MAD1L1: variants seen among roughly 807,000 people sequenced by gnomAD.
MAD1L1 encodes mitotic spindle assembly checkpoint protein MAD1.
A neutral mutation model predicts 96.9 loss-of-function variants in MAD1L1; 95 were observed. The ratio of observed to expected loss-of-function variants is 0.98; its 90% CI spans 0.83 to 1.16. The LOEUF is 1.16. Ranked by LOEUF, MAD1L1 falls within the 50% of genes most tolerant of loss-of-function variation. MAD1L1 has a pLI of 0.00. For missense variants in MAD1L1, 1,007 were observed against 954.4 expected, an observed-to-expected ratio of 1.06 and a Z score of -0.73; for synonymous variants, 473 against 396.6, an observed-to-expected ratio of 1.19 and a Z score of -2.29.
chr7:2,024,351 C>T (rs1365088277), intron 12 of MAD1L1, among the ~76,000 whole-genome samples: 1 of 152,230 alleles, frequency 6.6e-6, no homozygotes, highest in Non-Finnish European at 1.5e-5. Flanking sequence ...TGCCCACCCC[C>T]AGCTCCCTTT....
In MAD1L1 at chr7:2,074,705, C is replaced by T. The variant is rs1240881057; in HGVS notation, c.1074-5367G>A. Among the ~76,000 whole-genome samples, 3 of 152,260 alleles carry T rather than the reference C, an allele frequency of 2.0e-5. No individual in the cohort carries two copies. The East Asian group carries it at 5.8e-4, about 29-fold the overall frequency. ...GCAGGTGTGGGCTGCAGCCCTGGCA[C>T]CGCAAAGTAGGGCTCAGAGAAGGGA... On this transcript the variant is annotated intron_variant, in intron 11 of 18. Transcript: ENST00000265854.
intron 18 of MAD1L1, among the ~76,000 whole-genome samples, chr7:1,850,874 G>A (rs1344936305): frequency 6.6e-6 from 1 of 152,198 alleles, no homozygotes; most frequent in Non-Finnish European, 1.5e-5. Flanking sequence ...GAGTGGGGAG[G>A]GCACACCGAA....
intron 10 of MAD1L1, among the ~76,000 whole-genome samples, chr7:2,212,161 C>A (rs73291528): frequency 0.016 from 2,434 of 151,888 alleles, 65 homozygotes; most frequent in African/African-American, 0.056. Flanking sequence ...AAGATGAGCA[C>A]AGGGTCCTGG....
intron 18 of MAD1L1, chr7:1,847,045 T>G (rs1279992747): frequency 1.2e-5 from 4 of 343,216 alleles, no homozygotes; most frequent in African/African-American, 8.6e-5. Flanking sequence ...TGCAGCTGAT[T>G]TGCTCCTTGG....
intron 18 of MAD1L1, among the ~76,000 whole-genome samples, chr7:1,896,615 C>T (rs1190266709): frequency 1.3e-5 from 2 of 152,208 alleles, no homozygotes; most frequent in African/African-American, 2.4e-5. Context: ...AAAGGAAACA[C>T]GGCGAAGCAG....
Position 2,215,339 on chromosome 7 carries a change from T to C in MAD1L1, c.924+546A>G, listed in dbSNP as rs576989067. On this transcript the variant is annotated intron_variant, in intron 9 of 18. Transcript: ENST00000265854. Reference sequence around the variant, plus strand: ...GTTGCAGTGAGCCGAGATCGCACCATTGCATTCCAGCCTGGGGACAGGGCG... The same window carrying C: ...GTTGCAGTGAGCCGAGATCGCACCACTGCATTCCAGCCTGGGGACAGGGCG... 7.6e-5 allele frequency among the ~76,000 whole-genome samples: 11 copies of C among 145,100 alleles called. No homozygotes were observed. The South Asian group carries it at 1.1e-3, about 14-fold the overall frequency.
chr7:1,912,450 C>A (rs535822495), intron 17 of MAD1L1, among the ~76,000 whole-genome samples: 25 of 152,230 alleles, frequency 1.6e-4, no homozygotes, highest in Non-Finnish European at 3.4e-4. Flanking sequence ...TGGGTGGCCA[C>A]TGCAGAGACT....
At position 1,927,944 on chromosome 7, in the gene MAD1L1, TAC is replaced by T. The variant is rs543082381; in HGVS notation, c.1807+8741_1807+8742del. The stretch of plus-strand genomic sequence containing the variant: ...CAACTTGGATTCACCCCAAACTCAA[TAC>T]TAACAATTCAATTAAAAAATAGGCA... On this transcript the variant is annotated intron_variant, in intron 17 of 18. Coordinates refer to ENST00000265854, the MANE Select transcript of MAD1L1 (RefSeq NM_001013836.2). 2.1e-3 allele frequency among the ~76,000 whole-genome samples: 323 copies of T among 152,190 alleles called. 1 individual carries two copies. The highest frequency in any genetic ancestry group is 7.3e-3 in the African/African-American group (303 of 41,484).
At chr7:2,123,403 A>T (rs1297578308) in intron 11 of MAD1L1, among the ~76,000 whole-genome samples, 1 of 152,146 alleles carries the variant, frequency 6.6e-6, no homozygotes, top group Non-Finnish European at 1.5e-5. Flanking sequence ...GGCTCCCAGC[A>T]AGCGAAACTG....
At chr7:2,006,238 C>T (rs754163581) in intron 13 of MAD1L1, among the ~76,000 whole-genome samples, 12 of 151,980 alleles carry the variant, frequency 7.9e-5, no homozygotes, top group Non-Finnish European at 1.3e-4. Flanking sequence ...CTGTCTGCAG[C>T]TCCAACAGGG....
intron 10 of MAD1L1, among the ~76,000 whole-genome samples, chr7:2,207,311 T>C (rs1792650164): frequency 6.6e-6 from 1 of 152,150 alleles, no homozygotes; most frequent in African/African-American, 2.4e-5. Context: ...GTGTCTCTTG[T>C]GAACTAATGA....
At chr7:1,929,642 G>A (rs1237004370) in intron 17 of MAD1L1, among the ~76,000 whole-genome samples, 1 of 152,002 alleles carries the variant, frequency 6.6e-6, no homozygotes, top group East Asian at 1.9e-4. Context: ...GCCCACACCA[G>A]AGACAGCCCT....
intron 10 of MAD1L1, among the ~76,000 whole-genome samples, chr7:2,200,911 G>A (rs1562365552): frequency 1.3e-5 from 2 of 152,002 alleles, no homozygotes; most frequent in Admixed American, 6.5e-5. Flanking sequence ...TGCGGGTGCC[G>A]AGTGACCGTG....
intron 12 of MAD1L1, among the ~76,000 whole-genome samples, chr7:2,043,833 A>G (rs1462089283): frequency 6.6e-6 from 1 of 152,222 alleles, no homozygotes; most frequent in Non-Finnish European, 1.5e-5. Flanking sequence ...CATAGACATA[A>G]GCTGGGCCCA....
intron 17 of MAD1L1, among the ~76,000 whole-genome samples, chr7:1,921,695 GA>G (rs1788804528): frequency 1.3e-5 from 2 of 152,042 alleles, no homozygotes. Context: ...AAGGATAAAT[GA>G]AATTAAAAAA....
chr7:1,872,961 A>G (rs1195119467), intron 18 of MAD1L1, among the ~76,000 whole-genome samples: 2 of 152,214 alleles, frequency 1.3e-5, no homozygotes, highest in African/African-American at 4.8e-5. Flanking sequence ...GGAGAGAGAG[A>G]TGGCCGTGAT....
rs577626198 is a variant in MAD1L1 at position 2,091,705 on chromosome 7, G to A, written c.1074-22367C>T. ...GCAGAAGAATGGCGTGAACCCAGGA[G>A]GCGGAGCTTGCAGTGAGCAGAGATC... On this transcript the variant is annotated intron_variant, in intron 11 of 18. Coordinates refer to ENST00000265854, the MANE Select transcript of MAD1L1 (RefSeq NM_001013836.2). Among the ~76,000 whole-genome samples, 39 of 152,146 alleles carry A rather than the reference G, an allele frequency of 2.6e-4. 1 individual carries two copies. The South Asian group carries it at 7.5e-3, about 29-fold the overall frequency.
intron 11 of MAD1L1, among the ~76,000 whole-genome samples, chr7:2,099,017 G>A (rs1786642677): frequency 6.6e-6 from 1 of 152,236 alleles, no homozygotes; most frequent in African/African-American, 2.4e-5. Context: ...AGGGCACCCT[G>A]GCATGGACAC....
chr7:1,899,232 G>A (rs187059938), intron 17 of MAD1L1, among the ~76,000 whole-genome samples: 3 of 152,334 alleles, frequency 2.0e-5, no homozygotes, highest in African/African-American at 4.8e-5. Context: ...CACCCGAGAG[G>A]CCTTCCAAGT....
Sources: allele counts gnomAD v4.1 joint callset (sites outside exome capture counted in the v4.1 genomes callset), GRCh38; gene constraint gnomAD v4.1.1; transcripts MANE v1.5; gene names NCBI Gene and HGNC (gene_info 2026-07-23, HGNC 2026-07-21).